The following SLC20A2 variants were observed in gnomAD, a reference collection of about 807,000 sequenced individuals.
SLC20A2 encodes the protein sodium-dependent phosphate transporter 2.
In SLC20A2, 30 loss-of-function variants were observed where a neutral mutation model predicts 61.0. The ratio of observed to expected loss-of-function variants is 0.49; its 90% confidence interval spans 0.37 to 0.67. SLC20A2 has a LOEUF of 0.67. Among genes scored for constraint, SLC20A2 ranks in the 30% least tolerant of loss-of-function variants. The pLI is 0.00. For synonymous variants in SLC20A2, 351 were observed against 353.3 expected (o/e 0.99, Z 0.07); for missense variants, 626 against 866.4 (o/e 0.72, Z 3.48).
At chr8:42,459,248 A>AC (rs533327202) in intron 5 of SLC20A2, among the ~76,000 whole-genome samples, 6,540 of 149,770 alleles carry the variant, frequency 0.044, 312 homozygotes, top group African/African-American at 0.11. Flanking sequence ...AAAAAAAAAA[A>AC]AAAAAAAAAA....
intron 5 of SLC20A2, among the ~76,000 whole-genome samples, chr8:42,445,995 AT>A (rs2131061575): frequency 6.6e-6 from 1 of 152,234 alleles, no homozygotes; most frequent in African/African-American, 2.4e-5. Flanking sequence ...TTTTACTTTT[AT>A]TTTTTTAAGA....
At chr8:42,478,597 C>A (rs1808337415) in intron 1 of SLC20A2, among the ~76,000 whole-genome samples, 1 of 152,122 alleles carries the variant, frequency 6.6e-6, no homozygotes, top group Admixed American at 6.5e-5. Flanking sequence ...CCATGAGAAA[C>A]AACTACCCAT....
chr8:42,501,286 T>TA (rs1409142203), upstream of SLC20A2: 4 of 152,250 alleles, frequency 2.6e-5, no homozygotes, highest in Admixed American at 2.0e-4. Flanking sequence ...GGTGTCCTCT[T>TA]AATGGGAAAT....
At chr8:42,538,692 T>A (rs1022921091) in intron 1 of SLC20A2, among the ~76,000 whole-genome samples, 2 of 152,224 alleles carry the variant, frequency 1.3e-5, no homozygotes, top group African/African-American at 2.4e-5. Context: ...GGGCACTCCA[T>A]CTGAGAGCCA....
intron 1 of SLC20A2, among the ~76,000 whole-genome samples, chr8:42,514,759 AAAAAAAAAAG>A (rs1811231249): frequency 6.7e-6 from 1 of 149,712 alleles, no homozygotes; most frequent in Non-Finnish European, 1.5e-5. Flanking sequence ...CTCTGTTTGA[AAAAAAAAAAG>A]AAAAAAAAAA....
intron 1 of SLC20A2, among the ~76,000 whole-genome samples, chr8:42,478,734 G>A (rs1365681376): frequency 6.6e-6 from 1 of 152,226 alleles, no homozygotes; most frequent in East Asian, 1.9e-4. Context: ...GTTATATACA[G>A]TCTACCTCAA....
chr8:42,444,849 C>T (rs545077534), intron 5 of SLC20A2, 87 bp from the exon 6 acceptor site: 18 of 845,480 alleles, frequency 2.1e-5, no homozygotes, highest in South Asian at 1.5e-4. Flanking sequence ...CTCCCCAAAT[C>T]GAGAACGAAT....
chr8:42,439,550 C>T lies in SLC20A2; in HGVS notation c.834G>A (p.Lys278=), dbSNP rs778920007. The part of the protein sequence containing the change: ...SPVFKELPGA[K]ANDDSTIPLT... Reference sequence around the variant, plus strand: ...GCGGGATGGTGCTGTCATCATTAGCCTTGGCACCTGGTAGCTCTTTAAATA... The same window carrying T: ...GCGGGATGGTGCTGTCATCATTAGCTTTGGCACCTGGTAGCTCTTTAAATA... Residue 278 remains lysine, a synonymous_variant, in exon 7 of 11, where the codon AAG becomes AAA. Coordinates refer to ENST00000520262, the MANE Select transcript of SLC20A2 (RefSeq NM_001257180.2). 8.7e-6 allele frequency: 14 copies of T among 1,614,214 alleles called. No homozygotes were observed. The highest frequency in any genetic ancestry group is 1.2e-5 in the Non-Finnish European group (14 of 1,180,040).
intron 6 of SLC20A2, 26 bp from the exon 7 acceptor site, chr8:42,439,679 C>G (rs2131023865): frequency 1.3e-6 from 2 of 1,501,408 alleles, no homozygotes; most frequent in East Asian, 4.5e-5. Context: ...TCATACTGAA[C>G]ATTCTGGAAG....
intron 8 of SLC20A2, among the ~76,000 whole-genome samples, chr8:42,436,162 G>A (rs945101823): frequency 6.6e-6 from 1 of 151,944 alleles, no homozygotes; most frequent in Non-Finnish European, 1.5e-5. Flanking sequence ...CTAGCGTCCT[G>A]GTTCAGCATA....
chr8:42,518,848 ACT>A (rs757561570), intron 1 of SLC20A2, among the ~76,000 whole-genome samples: 3 of 152,116 alleles, frequency 2.0e-5, no homozygotes, highest in Non-Finnish European at 2.9e-5. Flanking sequence ...TGAATTTCTC[ACT>A]GTTTTGGGTA....
chr8:42,484,907 G>T, intron 1 of SLC20A2: 1 of 414,142 alleles, frequency 2.4e-6, no homozygotes, highest in Non-Finnish European at 4.8e-6. Context: ...CTGGCCCTGA[G>T]ACAGCAGCAG....
chr8:42,440,938 C>A (rs540572972), intron 6 of SLC20A2, among the ~76,000 whole-genome samples: 1 of 151,524 alleles, frequency 6.6e-6, no homozygotes, highest in South Asian at 2.1e-4. Flanking sequence ...GTAGCTGGGA[C>A]TACAGGTGCG....
chr8:42,498,552 C>A (rs147997949), intron 1 of SLC20A2, among the ~76,000 whole-genome samples: 2 of 152,168 alleles, frequency 1.3e-5, no homozygotes, highest in Non-Finnish European at 2.9e-5. Context: ...TTGTGCACCG[C>A]ATGTGCTGTG....
chr8:42,520,455 G>A lies in SLC20A2; in HGVS notation c.-265+21366C>T, dbSNP rs911900937. 2.0e-4 allele frequency among the ~76,000 whole-genome samples: 25 copies of A among 122,430 alleles called. 5 individuals are homozygous for A. The highest frequency in any genetic ancestry group is 3.5e-4 in the African/African-American group (14 of 39,790). The allele number at this position is 122,430 out of a possible 152,430, so 80.3% of individuals were successfully genotyped here. A position where few individuals can be genotyped will look rare whatever the true frequency, so the allele number is the denominator to read the frequency against. ...AAGCCCGTTACTTGAGGCTGGGGGC[G>A]GTGGCTTACGCCTGTAATCCCAGCA... On this transcript the variant is annotated intron_variant, in intron 1 of 10. Coordinates refer to the SLC20A2 transcript ENST00000342228.
At chr8:42,537,337 C>T (rs1209204384) in intron 1 of SLC20A2, among the ~76,000 whole-genome samples, 1 of 139,020 alleles carries the variant, frequency 7.2e-6, no homozygotes, top group African/African-American at 2.7e-5. Context: ...CACTACTGTA[C>T]TCTAACCCGG....
intron 1 of SLC20A2, among the ~76,000 whole-genome samples, chr8:42,534,494 C>T (rs1039771370): frequency 2.0e-5 from 3 of 152,090 alleles, no homozygotes; most frequent in Admixed American, 2.0e-4. Flanking sequence ...CAACAAAACA[C>T]TGAACAAGAA....
intron 1 of SLC20A2, among the ~76,000 whole-genome samples, chr8:42,535,545 T>C (rs538199341): frequency 1.5e-4 from 23 of 152,184 alleles, no homozygotes; most frequent in Non-Finnish European, 2.9e-4. Flanking sequence ...CCGCAAATAA[T>C]TGAAAAGCAT....
intron 1 of SLC20A2, among the ~76,000 whole-genome samples, chr8:42,508,333 T>C (rs1047836016): frequency 2.0e-5 from 3 of 151,358 alleles, no homozygotes; most frequent in African/African-American, 7.3e-5. Flanking sequence ...AAAGGGATCT[T>C]GGAGGGAGTG....
Sources: gnomAD v4.1 joint callset for allele counts (sites outside exome capture counted in the v4.1 genomes callset) on GRCh38, gnomAD v4.1.1 for gene constraint, MANE v1.5 for transcripts, NCBI Gene and HGNC (gene_info 2026-07-23, HGNC 2026-07-21) for gene names.